The following FBN2 variants were observed in gnomAD, a reference collection of about 807,000 sequenced individuals.
FBN2 encodes the protein fibrillin 2.
FBN2 carries 105 observed loss-of-function variants against 355.6 expected under a neutral mutation model. The observed-to-expected ratio is 0.30, with a 90% CI of 0.25 to 0.35. The LOEUF is 0.35. FBN2 is among the 10% of genes least tolerant of loss of function. The pLI is 1.00. For synonymous variants in FBN2, 1,350 were observed against 1,301.2 expected, an observed-to-expected ratio of 1.04 and a Z score of -0.81; for missense variants, 3,280 against 3,758.7, an observed-to-expected ratio of 0.87 and a Z score of 3.33.
intron 7 of FBN2, among the ~76,000 whole-genome samples, chr5:128,429,010 T>C (rs1171290930): frequency 6.6e-6 from 1 of 152,190 alleles, no homozygotes; most frequent in African/African-American, 2.4e-5. Flanking sequence ...GGTAGTTGCA[T>C]GGACAGAGCC....
intron 62 of FBN2, 148 bp downstream of exon 62, chr5:128,271,851 G>A: frequency 2.2e-6 from 2 of 894,794 alleles, no homozygotes; most frequent in Non-Finnish European, 3.6e-6. Flanking sequence ...CTAGCAGAAT[G>A]AGTCCCCATG....
intron 5 of FBN2, among the ~76,000 whole-genome samples, chr5:128,473,555 C>T (rs898381105): frequency 2.0e-5 from 3 of 152,210 alleles, no homozygotes; most frequent in East Asian, 3.9e-4. Flanking sequence ...ATCCATTTCA[C>T]TCCAAGTGCT....
At chr5:128,312,909 T>A (rs564818160) in intron 36 of FBN2, 114 bp from the exon 37 acceptor site, 17 of 1,163,166 alleles carry the variant, frequency 1.5e-5, no homozygotes, top group Non-Finnish European at 1.9e-5. Context: ...ACATGAAAGG[T>A]TCCTTTTAAT....
At chr5:128,304,058 G>A (rs571156605) in intron 45 of FBN2, among the ~76,000 whole-genome samples, 1 of 152,258 alleles carries the variant, frequency 6.6e-6, no homozygotes, top group South Asian at 2.1e-4. Context: ...CCTGTTGTAT[G>A]GATGTGTCAT....
chr5:128,387,300 T>C lies in FBN2; in HGVS notation c.1603+4718A>G, dbSNP rs76834513. Among the ~76,000 whole-genome samples, 180 of 152,192 alleles carry C rather than the reference T, an allele frequency of 1.2e-3. 2 individuals are homozygous for C. In the East Asian group the frequency reaches 0.029, roughly 25 times the overall value. ...GGATTTCTGTATTTCTTTGGGGTTGTTGGTAATGTCTCCTTTATCATTTCA... is the reference window on the plus strand; with the variant it reads ...GGATTTCTGTATTTCTTTGGGGTTGCTGGTAATGTCTCCTTTATCATTTCA... On this transcript the variant is annotated intron_variant, in intron 11 of 64. Coordinates refer to ENST00000262464, the MANE Select transcript of FBN2 (RefSeq NM_001999.4).
At chr5:128,398,749 C>T (rs1237173150) in intron 8 of FBN2, among the ~76,000 whole-genome samples, 1 of 152,104 alleles carries the variant, frequency 6.6e-6, no homozygotes, top group African/African-American at 2.4e-5. Context: ...TCGTGAATTC[C>T]CACATGTTGT....
rs200706569 is a variant in FBN2, at chr5:128,259,820, T to C, written c.8374A>G (p.Ile2792Val). ...HEPDPTAVEQ[I>V]SLESVDMDSP... ...TCCATGTCGACACTCTCTAGGCTGA[T>C]CTGTTCAACCTGGAGGAAGAACAGG... The change falls in exon 65 of 65, where the codon ATC becomes GTC. Residue 2792 changes from isoleucine to valine, a missense_variant. This residue lies in a region of FBN2 where 311 missense variants were observed against 319.1 expected (regional missense o/e 0.97). Transcript: ENST00000262464. The C allele has an allele frequency of 1.2e-6, 2 of 1,613,594 alleles. No individual in the cohort carries two copies. Among genetic ancestry groups the C allele is most frequent in the Non-Finnish European group, 8.5e-7 (1 of 1,179,944 alleles).
intron 45 of FBN2, among the ~76,000 whole-genome samples, chr5:128,303,370 A>T (rs542795376): frequency 6.6e-6 from 1 of 152,336 alleles, no homozygotes; most frequent in African/African-American, 2.4e-5. Context: ...GTAGAGATGT[A>T]TTAATGAGCA....
chr5:128,482,562 T>C (rs998127311), intron 5 of FBN2, among the ~76,000 whole-genome samples: 2 of 152,216 alleles, frequency 1.3e-5, no homozygotes, highest in African/African-American at 4.8e-5. Flanking sequence ...TTTCAGTTTG[T>C]TCACTTGTGG....
rs757250835 is a variant in FBN2, at chr5:128,263,554, T to C, written c.8063A>G (p.Gln2688Arg). 1.9e-6 allele frequency: 3 copies of C among 1,613,964 alleles called. No individual in the cohort carries two copies. Among genetic ancestry groups the C allele is most frequent in the East Asian group, 2.2e-5 (1 of 44,862 alleles). ...CACGTCGTGGCAGGCACTGGAGAAC[T>C]GGTCGAAGGAGAACCCCGAGGGGCA... ...CACPSGFSFD[Q>R]FSSACHDVNE... Residue 2688 changes from glutamine (Q) to arginine (R), a missense_variant, in exon 63 of 65, where the codon CAG becomes CGG. Transcript: ENST00000262464.
At chr5:128,472,558 G>A (rs1173243410) in intron 5 of FBN2, among the ~76,000 whole-genome samples, 1 of 152,096 alleles carries the variant, frequency 6.6e-6, no homozygotes, top group Non-Finnish European at 1.5e-5. Context: ...TTGGGAGGTC[G>A]AGGCAGGCAG....
intron 5 of FBN2, among the ~76,000 whole-genome samples, chr5:128,513,401 C>T (rs1426952054): frequency 2.0e-5 from 3 of 151,882 alleles, no homozygotes; most frequent in East Asian, 3.9e-4. Flanking sequence ...TCTTTTAATC[C>T]GATGTTGAAA....
At chr5:128,352,701 C>T (rs1306827806) in intron 20 of FBN2, among the ~76,000 whole-genome samples, 2 of 152,148 alleles carry the variant, frequency 1.3e-5, no homozygotes. Flanking sequence ...TCCCGGTATG[C>T]AGCCCAGGAA....
Position 128,318,863 on chromosome 5 carries a change from TG to T in FBN2, c.4594+15del, listed in dbSNP as rs1750287379. On this transcript the variant is annotated intron_variant, in intron 35 of 64. Transcript: ENST00000262464. ...TCAATGAATCAGAACACAACTTAGC[TG>T]GTAACTGACCATACCTGTACAGTTC... is the stretch of plus-strand genomic sequence containing the variant. 6.2e-7 allele frequency: 1 copy of T among 1,611,128 alleles called. No homozygotes were observed. Among genetic ancestry groups the T allele is most frequent in the African/African-American group, 1.3e-5 (1 of 74,988 alleles).
At position 128,334,769 on chromosome 5, in the gene FBN2, C is replaced by T; in HGVS notation, c.4049G>A (p.Cys1350Tyr). 1.9e-6 allele frequency: 3 copies of T among 1,613,850 alleles called. No individual in the cohort carries two copies. Among genetic ancestry groups the T allele is most frequent in the Non-Finnish European group, 2.5e-6 (3 of 1,179,692 alleles). The change falls in exon 31 of 65, where the codon TGC becomes TAC. Residue 1350 changes from cysteine (C) to tyrosine (Y), a missense_variant. Physicochemically the swap from Cys to Tyr is radical, Grantham distance 194. Transcript: ENST00000262464. ...CACTGAGTAACCCAGCTGACAGTGG[C>T]AAATGAAGGATCCCTTTGTGTTCTC... is the stretch of plus-strand genomic sequence containing the variant. Reference protein sequence around the residue: ...ECENTKGSFICHCQLGYSVKK... With the variant: ...ECENTKGSFIYHCQLGYSVKK...
chr5:128,291,281 T>C (rs1263501463), intron 49 of FBN2, among the ~76,000 whole-genome samples: 1 of 152,164 alleles, frequency 6.6e-6, no homozygotes, highest in African/African-American at 2.4e-5. Context: ...ACATAGTCAT[T>C]CTGATAAATC....
At chr5:128,340,143 T>G (rs1384364810) in intron 25 of FBN2, among the ~76,000 whole-genome samples, 2 of 152,238 alleles carry the variant, frequency 1.3e-5, no homozygotes, top group Non-Finnish European at 2.9e-5. Flanking sequence ...AAACATGACC[T>G]ATTTACAAAT....
At chr5:128,500,856 AAAAAAC>A (rs895245187) in intron 5 of FBN2, among the ~76,000 whole-genome samples, 1 of 152,196 alleles carries the variant, frequency 6.6e-6, no homozygotes, top group African/African-American at 2.4e-5. Flanking sequence ...GCATTCGAAG[AAAAAAC>A]AAAAACAAAA....
At chr5:128,390,926 A>T (rs1752492124) in intron 11 of FBN2, among the ~76,000 whole-genome samples, 1 of 152,206 alleles carries the variant, frequency 6.6e-6, no homozygotes, top group Non-Finnish European at 1.5e-5. Context: ...AGCAATTTGA[A>T]GGCATTTTTA....
Sources: allele counts gnomAD v4.1 joint callset (sites outside exome capture counted in the v4.1 genomes callset), GRCh38; gene constraint gnomAD v4.1.1; regional missense constraint gnomAD v4.1.1; transcripts MANE v1.5; gene names NCBI Gene and HGNC (gene_info 2026-07-23, HGNC 2026-07-21).